The following HACD1 variants were observed in gnomAD, a reference collection of about 807,000 sequenced individuals.
HACD1 encodes very-long-chain (3R)-3-hydroxyacyl-CoA dehydratase 1.
Under a neutral mutation model 32.0 loss-of-function variants are expected in HACD1, and 41 were observed. The ratio of observed to expected loss-of-function variants is 1.28; its 90% CI spans 1.00 to 1.66. The LOEUF (loss-of-function observed/expected upper bound fraction) is 1.66. Ranked by LOEUF, HACD1 falls within the 40% of genes most tolerant of loss-of-function variation. HACD1 has a pLI of 0.00. For missense variants in HACD1, 396 were observed against 380.1 expected (o/e 1.04, Z -0.35); for synonymous variants, 142 against 139.0 (o/e 1.02, Z -0.15).
At chr10:17,601,846 A>G (rs1834074213) in intron 4 of HACD1, among the ~76,000 whole-genome samples, 2 of 152,090 alleles carry the variant, frequency 1.3e-5, no homozygotes, top group South Asian at 4.1e-4. Context: ...CAAGAGGGAT[A>G]AAGTATAAAG....
chr10:17,612,421 TTTA>T (rs1268482395), intron 1 of HACD1, among the ~76,000 whole-genome samples: 12 of 152,194 alleles, frequency 7.9e-5, no homozygotes, highest in Non-Finnish European at 1.8e-4. Flanking sequence ...CATTCAAATA[TTTA>T]TTGAGTACTT....
intron 1 of HACD1, among the ~76,000 whole-genome samples, chr10:17,610,375 G>C (rs140303993): frequency 6.6e-6 from 1 of 152,156 alleles, no homozygotes. Context: ...TAGGCCAGGC[G>C]CAGTGGCTCA....
In HACD1 at chr10:17,610,931, G is replaced by A. The variant is rs138349173; in HGVS notation, c.257+6152C>T. Reference sequence around the variant, plus strand: ...ATCCAAACATGTTAGCAAAGCATCTGAGGCCCAGTGCAATGCCCCAAGCTA... The same window carrying A: ...ATCCAAACATGTTAGCAAAGCATCTAAGGCCCAGTGCAATGCCCCAAGCTA... On this transcript the variant is annotated intron_variant, in intron 1 of 6. Transcript: ENST00000361271. Among the ~76,000 whole-genome samples the A allele has an allele frequency of 4.5e-3, 675 of 151,364 alleles. 3 individuals carry two copies. The highest frequency in any genetic ancestry group is 0.015 in the African/African-American group (616 of 41,262).
At chr10:17,591,241 C>T (rs1833924145) in intron 6 of HACD1, among the ~76,000 whole-genome samples, 1 of 142,704 alleles carries the variant, frequency 7.0e-6, no homozygotes, top group Non-Finnish European at 1.6e-5. Context: ...ACAGCTGCCC[C>T]CTGGCTATCC....
At chr10:17,591,979 T>A (rs1554815613) in intron 6 of HACD1, among the ~76,000 whole-genome samples, 1 of 128,576 alleles carries the variant, frequency 7.8e-6, no homozygotes, top group African/African-American at 3.5e-5. Context: ...GCTACTGATT[T>A]TTTTTTTTTT....
At chr10:17,616,342 C>G (rs1393416804) in intron 1 of HACD1, among the ~76,000 whole-genome samples, 6 of 152,124 alleles carry the variant, frequency 3.9e-5, no homozygotes, top group African/African-American at 1.2e-4. Flanking sequence ...GTTAATACTT[C>G]GAGTGATAAT....
rs572152817 is a variant in HACD1, at chr10:17,589,811, T to C, written c.*553A>G. Reference sequence around the variant, plus strand: ...TGTGACATCTACTTGAATATTTGTGTGTTTTTATGCTGCTACTTTATCTAC... The same window carrying C: ...TGTGACATCTACTTGAATATTTGTGCGTTTTTATGCTGCTACTTTATCTAC... On this transcript the variant is annotated 3_prime_UTR_variant, in exon 7 of 7. Transcript: ENST00000361271. The C allele has an allele frequency of 6.6e-6, 1 of 152,304 alleles. No individual in the cohort carries two copies. The highest frequency in any genetic ancestry group is 2.1e-4 in the South Asian group (1 of 4,828). 9.4% of individuals were successfully genotyped at this position (152,304 alleles called of 1,614,324 possible). A position where few individuals can be genotyped will look rare whatever the true frequency, so the allele number is the denominator to read the frequency against.
At chr10:17,601,759 T>C (rs1186288732) in intron 4 of HACD1, among the ~76,000 whole-genome samples, 1 of 152,184 alleles carries the variant, frequency 6.6e-6, no homozygotes, top group Non-Finnish European at 1.5e-5. Context: ...ATGTGCTCAC[T>C]GCTATCTGCA....
chr10:17,606,087 A>C (rs1210619710), intron 1 of HACD1, among the ~76,000 whole-genome samples: 1 of 151,900 alleles, frequency 6.6e-6, no homozygotes, highest in Non-Finnish European at 1.5e-5. Context: ...AGGTGGGAGG[A>C]TCACTTGAGC....
chr10:17,598,215 G>A (rs1398311303), intron 5 of HACD1, among the ~76,000 whole-genome samples: 3 of 138,106 alleles, frequency 2.2e-5, no homozygotes, highest in Non-Finnish European at 3.0e-5. Flanking sequence ...AGCCGAGATC[G>A]TGCCACTATC....
At chr10:17,608,083 C>T (rs1377251997) in intron 1 of HACD1, among the ~76,000 whole-genome samples, 1 of 152,116 alleles carries the variant, frequency 6.6e-6, no homozygotes, top group Non-Finnish European at 1.5e-5. Flanking sequence ...GCCCATGGCT[C>T]ATGGCAGCCT....
chr10:17,598,883 T>C (rs1554816220), intron 5 of HACD1, among the ~76,000 whole-genome samples: 1 of 152,024 alleles, frequency 6.6e-6, no homozygotes, highest in East Asian at 1.9e-4. Flanking sequence ...AAAAAACCAA[T>C]CGCATTGTGT....
At chr10:17,610,337 C>T (rs1554817392) in intron 1 of HACD1, among the ~76,000 whole-genome samples, 1 of 152,136 alleles carries the variant, frequency 6.6e-6, no homozygotes, top group African/African-American at 2.4e-5. Context: ...AAATATCTTA[C>T]TTTCTCTTTC....
chr10:17,614,484 C>G lies in HACD1; in HGVS notation c.257+2599G>C, dbSNP rs989586522. Reference sequence around the variant, plus strand: ...GTTGGCTAGGCTGGTCTCAGGCGATCCACCCGCCTCAGCCTCCCAAAGTGC... The same window carrying G: ...GTTGGCTAGGCTGGTCTCAGGCGATGCACCCGCCTCAGCCTCCCAAAGTGC... On this transcript the variant is annotated intron_variant, in intron 1 of 6. Transcript: ENST00000361271. 1.5e-4 allele frequency among the ~76,000 whole-genome samples: 19 copies of G among 128,884 alleles called. No individual in the cohort carries two copies. The Middle Eastern group carries it at 0.011, about 72-fold the overall frequency. 84.6% of individuals were successfully genotyped at this position (128,884 alleles called of 152,430 possible).
At position 17,615,723 on chromosome 10, in the gene HACD1, T is replaced by C. The variant is rs142660111; in HGVS notation, c.257+1360A>G. On this transcript the variant is annotated intron_variant, in intron 1 of 6. Coordinates refer to ENST00000361271, the MANE Select transcript of HACD1 (RefSeq NM_014241.4). ...GGCTCACACCTGTAATCCCAGCACATTGGGAGGCCGAAGTGGGGGAATCAT... is the reference window on the plus strand; with the variant it reads ...GGCTCACACCTGTAATCCCAGCACACTGGGAGGCCGAAGTGGGGGAATCAT... The C allele has an allele frequency of 5.2e-3, 1,907 of 365,472 alleles. 33 individuals are homozygous for C. Among genetic ancestry groups the C allele is most frequent in the African/African-American group, 0.037 (1,715 of 46,644 alleles). The allele number at this position is 365,472 out of a possible 1,614,324, so 22.6% of individuals were successfully genotyped here. A position where few individuals can be genotyped will look rare whatever the true frequency, so the allele number is the denominator to read the frequency against.
chr10:17,612,563 G>A (rs1282157580), intron 1 of HACD1, among the ~76,000 whole-genome samples: 2 of 152,170 alleles, frequency 1.3e-5, no homozygotes, highest in Non-Finnish European at 2.9e-5. Context: ...AGGAGTATGT[G>A]TTTCACTATT....
At chr10:17,612,105 C>CAAAAAAAAAAAAAA (rs34058469) in intron 1 of HACD1, among the ~76,000 whole-genome samples, 1 of 105,112 alleles carries the variant, frequency 9.5e-6, no homozygotes, top group African/African-American at 3.5e-5. Context: ...AACTCCATCT[C>CAAAAAAAAAAAAAA]AAAAAAAAAA....
chr10:17,594,514 G>T, intron 5 of HACD1, 131 bp from the exon 6 acceptor site: 1 of 649,658 alleles, frequency 1.5e-6, no homozygotes, highest in Non-Finnish European at 2.3e-6. Context: ...ATAACCTTAC[G>T]TAAGGTTAAT....
chr10:17,591,109 T>C (rs1359024288), intron 6 of HACD1, among the ~76,000 whole-genome samples: 1 of 152,194 alleles, frequency 6.6e-6, no homozygotes, highest in Admixed American at 6.5e-5. Flanking sequence ...CAGGGAAAAC[T>C]GGCCCCACCC....
Sources: allele counts gnomAD v4.1 joint callset (sites outside exome capture counted in the v4.1 genomes callset), GRCh38; gene constraint gnomAD v4.1.1; transcripts MANE v1.5; gene names NCBI Gene and HGNC (gene_info 2026-07-23, HGNC 2026-07-21).